The following TTN variants were observed in gnomAD, a reference collection of about 807,000 sequenced individuals.
The protein encoded by TTN is connectin.
A neutral mutation model predicts 3,223.0 loss-of-function variants in TTN; 1,525 were observed. That is an observed-to-expected ratio of 0.47 (90% CI 0.45 to 0.49). The LOEUF is 0.49. TTN is among the 20% of genes least tolerant of loss of function. The pLI is 0.00. For missense variants in TTN, 40,786 were observed against 43,424.0 expected, an observed-to-expected ratio of 0.94 and a Z score of 5.40; for synonymous variants, 14,094 against 15,161.0, an observed-to-expected ratio of 0.93 and a Z score of 5.17.
In TTN at chr2:178,724,053, C is replaced by T. The variant is rs368334249; in HGVS notation, c.21206G>A (p.Gly7069Glu). 6.2e-6 allele frequency: 10 copies of T among 1,613,526 alleles called. No homozygotes were observed. In the African/African-American group the frequency reaches 1.3e-4, roughly 22 times the overall value. ...CCAGGCAACTGAAATAGGTGATGAT[C>T]CAGCTACTTTGCATTCCAAGATGCA... ...ASCILECKVAGSSPISVAWFH... is the reference protein window; with the variant it reads ...ASCILECKVAESSPISVAWFH... The change falls in exon 73 of 363, where the codon GGA becomes GAA. Residue 7069 changes from glycine to glutamate, a missense_variant. By Grantham distance (98) the Gly-to-Glu change is moderately conservative (BLOSUM62 -2). Transcript: ENST00000589042.
At position 178,564,254 on chromosome 2, in the gene TTN, A is replaced by G. The variant is rs751553517; in HGVS notation, c.81878T>C (p.Phe27293Ser). The change falls in exon 326 of 363, where the codon TTT becomes TCT. Residue 27293 changes from phenylalanine to serine, a missense_variant. Physicochemically the swap from Phe to Ser is radical, Grantham distance 155. Transcript: ENST00000589042. ...GCCACGGATGTCGGCTTCAAGAACA[A>G]AAGTCTCTCCTGCATGAACAACGAT... is the stretch of plus-strand genomic sequence containing the variant. ...DVIVVHAGET[F>S]VLEADIRGKP... The G allele has an allele frequency of 1.9e-6, 3 of 1,613,362 alleles. No individual in the cohort carries two copies. The highest frequency in any genetic ancestry group is 1.7e-6 in the Non-Finnish European group (2 of 1,179,786).
At chr2:178,580,270 A>G (rs765977154) in intron 317 of TTN, 41 bp from the exon 318 acceptor site, 2 of 1,605,492 alleles carry the variant, frequency 1.2e-6, no homozygotes, top group Admixed American at 3.4e-5. Flanking sequence ...ATGTGTAAAA[A>G]ATACATAAGC....
Position 178,609,274 on chromosome 2 carries a change from G to C in TTN, c.52036C>G (p.Leu17346Val). 1 of 1,580,420 alleles carries C rather than the reference G, an allele frequency of 6.3e-7. No homozygotes were observed. Among genetic ancestry groups the C allele is most frequent in the Non-Finnish European group, 8.6e-7 (1 of 1,164,630 alleles). The change falls in exon 273 of 363, where the codon CTG becomes GTG. Residue 17346 changes from leucine to valine, a missense_variant. Leu to Val is a conservative substitution (Grantham distance 32, BLOSUM62 1). Coordinates refer to ENST00000589042, the MANE Select transcript of TTN (RefSeq NM_001267550.2). ...TCATTTTCAACTTTGATCATATACAGACCATGGTCAGGTCGGAGAGAATCT... is the reference window on the plus strand; with the variant it reads ...TCATTTTCAACTTTGATCATATACACACCATGGTCAGGTCGGAGAGAATCT... ...VRDSLRPDHG[L>V]YMIKVENDHG...
chr2:178,583,386 T>C lies in TTN; in HGVS notation c.65576-159A>G, dbSNP rs945585409. On this transcript the variant is annotated intron_variant, in intron 312 of 362. Transcript: ENST00000589042. ...TAATAGACAAATAATAACTGCACTA[T>C]TGAATAACTATTGAAATTATATAGT... 2.8e-5 allele frequency: 24 copies of C among 857,070 alleles called. No individual in the cohort carries two copies. The South Asian group carries it at 3.7e-4, about 13-fold the overall frequency. The allele number at this position is 857,070 out of a possible 1,614,324, so 53.1% of individuals were successfully genotyped here.
chr2:178,576,249 C>T lies in TTN; in HGVS notation c.69883G>A (p.Ala23295Thr), dbSNP rs746519147. Residue 23295 changes from alanine (A) to threonine (T), a missense_variant, in exon 326 of 363, where the codon GCC becomes ACC. Transcript: ENST00000589042. The surrounding 1 kb of genome is among the most constrained non-coding windows in gnomAD (Gnocchi z 4.3). ...EAWIKDTTGT[A>T]LRITQFVVPD... is the part of the protein sequence containing the mutation. ...ACAACGAACTGAGTGATTCTGAGGG[C>T]GGTTCCTGTGGTATCTTTTATCCAG... is the stretch of plus-strand genomic sequence containing the variant. 1.1e-5 allele frequency: 17 copies of T among 1,612,090 alleles called. No homozygotes were observed. The highest frequency in any genetic ancestry group is 8.8e-5 in the South Asian group (8 of 90,864).
At chr2:178,779,893 A>G in intron 22 of TTN, 107 bp downstream of exon 22, 2 of 1,115,250 alleles carry the variant, frequency 1.8e-6, no homozygotes, top group Non-Finnish European at 1.3e-6. Flanking sequence ...TGGACCTTCT[A>G]ATAGCTGTCT....
chr2:178,733,071 C>T lies in TTN; in HGVS notation c.16105G>A (p.Val5369Ile), dbSNP rs780410052. 5 of 1,609,962 alleles carry T rather than the reference C, an allele frequency of 3.1e-6. No homozygotes were observed. Among genetic ancestry groups the T allele is most frequent in the South Asian group, 1.1e-5 (1 of 90,596 alleles). ...FTKPLRNVDS[V>I]VNGTCRLDCK... ...TCCAGTCTGCAGGTACCATTAACAA[C>T]ACTATCCACGTTGCGCAAGGGTTTG... Residue 5369 changes from valine to isoleucine, a missense_variant, in exon 55 of 363, where the codon GTT becomes ATT. By Grantham distance (29) the Val-to-Ile change is conservative. Coordinates refer to ENST00000589042, the MANE Select transcript of TTN (RefSeq NM_001267550.2).
At chr2:178,578,275 T>C in intron 321 of TTN, 90 bp from the exon 322 acceptor site, 4 of 1,148,014 alleles carry the variant, frequency 3.5e-6, no homozygotes, top group Non-Finnish European at 4.9e-6. Context: ...CATATCCATA[T>C]ATATTGAACA....
intron 247 of TTN, 38 bp downstream of exon 247, chr2:178,620,677 C>T (rs1350056318): frequency 1.2e-6 from 2 of 1,604,220 alleles, no homozygotes; most frequent in African/African-American, 1.4e-5. Context: ...ATAACAGAAA[C>T]TGATGAAAAA....
chr2:178,680,047 C>T lies in TTN; in HGVS notation c.33427G>A (p.Val11143Met), dbSNP rs370968669. Residue 11143 changes from valine to methionine, a missense_variant, in exon 140 of 363, where the codon GTG becomes ATG. Transcript: ENST00000589042. ...EVAPPVRVPE[V>M]PKELEPEEVA... ...TCTTCTGGTTCAAGTTCTTTAGGCA[C>T]TTCTGGCACTTTAAAGATATTATCT... 4 of 1,612,342 alleles carry T rather than the reference C, an allele frequency of 2.5e-6. No individual in the cohort carries two copies. The highest frequency in any genetic ancestry group is 2.7e-5 in the African/African-American group (2 of 74,738).
Position 178,618,641 on chromosome 2 carries a change from T to G in TTN, c.46909A>C (p.Ile15637Leu), listed in dbSNP as rs1029825916. ...TTTCCATGTTTGTTCTGAAGCACAA[T>G]TTTATACCTCCCTTTGTCTCCTTTC... ...AKKGDKGRYK[I>L]VLQNKHGKAE... The change falls in exon 251 of 363, where the codon ATT (isoleucine) becomes CTT (leucine). Residue 15637 changes from isoleucine (I) to leucine (L), a missense_variant. Transcript: ENST00000589042. 4 of 1,612,492 alleles carry G rather than the reference T, an allele frequency of 2.5e-6. No individual in the cohort carries two copies. Among genetic ancestry groups the G allele is most frequent in the Non-Finnish European group, 1.7e-6 (2 of 1,179,052 alleles).
rs1246906229 is a variant in TTN, at chr2:178,768,876, G to A, written c.8960C>T (p.Thr2987Ile). ...DINAEEKDTI[T>I]FEVTVNYEGI... Reference sequence around the variant, plus strand: ...TTCATAGTTCACTGTCACCTCAAAAGTAATAGTGTCTTTTTCTTCAGCGTT... The same window carrying A: ...TTCATAGTTCACTGTCACCTCAAAAATAATAGTGTCTTTTTCTTCAGCGTT... The change falls in exon 38 of 363, where the codon ACT becomes ATT. Residue 2987 changes from threonine (T) to isoleucine (I), a missense_variant. Physicochemically the swap from Thr to Ile is moderately conservative, Grantham distance 89. Coordinates refer to ENST00000589042, the MANE Select transcript of TTN (RefSeq NM_001267550.2). 1.9e-6 allele frequency: 3 copies of A among 1,613,902 alleles called. No individual in the cohort carries two copies. Among genetic ancestry groups the A allele is most frequent in the East Asian group, 2.2e-5 (1 of 44,838 alleles).
chr2:178,703,316 T>C (rs1339215793), intron 106 of TTN, among the ~76,000 whole-genome samples: 1 of 152,148 alleles, frequency 6.6e-6, no homozygotes, highest in African/African-American at 2.4e-5. Context: ...GTGAGCTCTA[T>C]TTACTAAAGA....
At chr2:178,688,963 C>T (rs1191494794) in intron 125 of TTN, 90 bp downstream of exon 125, 20 of 1,372,308 alleles carry the variant, frequency 1.5e-5, no homozygotes, top group Non-Finnish European at 1.9e-5. Flanking sequence ...AGTATAAGCA[C>T]AGACCAGATG....
At position 178,539,956 on chromosome 2, in the gene TTN, A is replaced by C; in HGVS notation, c.98109T>G (p.Asp32703Glu). The change falls in exon 352 of 363, where the codon GAT becomes GAG. Residue 32703 changes from aspartate to glutamate, a missense_variant. Physicochemically the swap from Asp to Glu is conservative, Grantham distance 45. Transcript: ENST00000589042. ...VKVTEMLEYP[D>E]YELDERYQEG... ...CTTGGTATCTTTCATCAAGTTCATA[A>C]TCAGGATATTCTGGAAAAAAAGGTA... 2 of 1,612,890 alleles carry C rather than the reference A, an allele frequency of 1.2e-6. No individual in the cohort carries two copies. Among genetic ancestry groups the C allele is most frequent in the Non-Finnish European group, 1.7e-6 (2 of 1,179,116 alleles).
Position 178,565,881 on chromosome 2 carries a change from C to T in TTN, c.80251G>A (p.Ala26751Thr), listed in dbSNP as rs1559345993. ...SFKVENLTEG[A>T]IYYFRVMAEN... The stretch of plus-strand genomic sequence containing the variant: ...GCCATGACTCTGAAGTAATAAATGG[C>T]TCCTTCTGTAAGGTTTTCCACTTTA... Residue 26751 changes from alanine (A) to threonine (T), a missense_variant, in exon 326 of 363, where the codon GCC becomes ACC. Ala to Thr is a moderately conservative substitution (Grantham distance 58). Coordinates refer to ENST00000589042, the MANE Select transcript of TTN (RefSeq NM_001267550.2). The T allele has an allele frequency of 6.2e-7, 1 of 1,613,676 alleles. No homozygotes were observed. The highest frequency in any genetic ancestry group is 1.1e-5 in the South Asian group (1 of 91,078).
In TTN at chr2:178,560,074, A is replaced by G; in HGVS notation, c.86058T>C (p.Tyr28686=). The G allele has an allele frequency of 6.2e-7, 1 of 1,613,680 alleles. No homozygotes were observed. ...CATCAGATTTTTTGTATTCTACAGT[A>G]TATCCAGTTATCGGGGCCCCACCAT... The part of the protein sequence containing the change: ...LFDGGAPITG[Y]TVEYKKSDDT... Residue 28686 remains tyrosine, a synonymous_variant, in exon 326 of 363, where the codon TAT becomes TAC. Coordinates refer to ENST00000589042, the MANE Select transcript of TTN (RefSeq NM_001267550.2).
Position 178,542,657 on chromosome 2 carries a change from C to G in TTN, c.97192+5G>C. On this transcript the variant is annotated splice_donor_5th_base_variant and intron_variant, in intron 348 of 362. Transcript: ENST00000589042. ...CTTGCTTGTATCTTTGTCACACATC[C>G]TTACCAAGAATGATAACTTTAATGG... The G allele has an allele frequency of 1.2e-5, 19 of 1,609,664 alleles. No homozygotes were observed. Among genetic ancestry groups the G allele is most frequent in the Non-Finnish European group, 1.5e-5 (18 of 1,176,388 alleles).
rs1024823449 is a variant in TTN, at chr2:178,542,920, G to A, written c.96934C>T (p.Pro32312Ser). 9 of 1,610,818 alleles carry A rather than the reference G, an allele frequency of 5.6e-6. No individual in the cohort carries two copies. The African/African-American group carries it at 9.4e-5, about 17-fold the overall frequency. Reference sequence around the variant, plus strand: ...GCTGGGACATGGATGGTCTTCTGAGGCATTGTAGAAAGATCGATTGTTGGC... The same window carrying A: ...GCTGGGACATGGATGGTCTTCTGAGACATTGTAGAAAGATCGATTGTTGGC... The part of the protein sequence containing the change: ...VLPTIDLSTM[P>S]QKTIHVPAGR... The change falls in exon 348 of 363, where the codon CCT becomes TCT. Residue 32312 changes from proline (P) to serine (S), a missense_variant. Coordinates refer to ENST00000589042, the MANE Select transcript of TTN (RefSeq NM_001267550.2).
Sources: allele counts gnomAD v4.1 joint callset (sites outside exome capture counted in the v4.1 genomes callset), GRCh38; gene constraint gnomAD v4.1.1; non-coding constraint Gnocchi (gnomAD v3.1); transcripts MANE v1.5; gene names NCBI Gene and HGNC (gene_info 2026-07-23, HGNC 2026-07-21).